The following EXOC6B variants were observed in gnomAD, a reference collection of about 807,000 sequenced individuals.
EXOC6B encodes the protein SEC15 homolog B.
In EXOC6B, 54 loss-of-function variants were observed where a neutral mutation model predicts 113.5. The ratio of observed to expected loss-of-function variants is 0.48; its 90% CI spans 0.38 to 0.60. The LOEUF (loss-of-function observed/expected upper bound fraction) is 0.60, where lower values mean the gene tolerates loss of function less well. Ranked by LOEUF, EXOC6B falls within the 20% of genes least tolerant of loss-of-function variation. The pLI, the probability that EXOC6B is intolerant of heterozygous loss-of-function variation, is 0.00. For missense variants in EXOC6B, 797 were observed against 977.5 expected, an observed-to-expected ratio of 0.82 and a Z score of 2.46; for synonymous variants, 357 against 339.0, an observed-to-expected ratio of 1.05 and a Z score of -0.58.
chr2:72,810,621 T>A (rs1182785725), intron 1 of EXOC6B, among the ~76,000 whole-genome samples: 1 of 151,756 alleles, frequency 6.6e-6, no homozygotes, highest in East Asian at 1.9e-4. Context: ...AGGACAGACA[T>A]CAATAAAATT....
chr2:72,727,366 CA>C (rs1168843734), intron 5 of EXOC6B, among the ~76,000 whole-genome samples: 2 of 152,060 alleles, frequency 1.3e-5, no homozygotes, highest in African/African-American at 4.8e-5. Flanking sequence ...GATCATTCTA[CA>C]GAATAACTGG....
intron 6 of EXOC6B, among the ~76,000 whole-genome samples, chr2:72,640,860 C>A (rs780449916): frequency 1.3e-5 from 2 of 151,976 alleles, no homozygotes; most frequent in Non-Finnish European, 2.9e-5. Context: ...CAACAAAGAT[C>A]AAAAAAGACA....
At chr2:72,706,804 C>T (rs1440165689) in intron 6 of EXOC6B, among the ~76,000 whole-genome samples, 2 of 152,128 alleles carry the variant, frequency 1.3e-5, no homozygotes, top group African/African-American at 4.8e-5. Context: ...TGACCCCTTC[C>T]CTTGAGTATA....
intron 1 of EXOC6B, among the ~76,000 whole-genome samples, chr2:72,776,970 G>A (rs1271182840): frequency 6.6e-6 from 1 of 152,180 alleles, no homozygotes; most frequent in Non-Finnish European, 1.5e-5. Flanking sequence ...GCCGGGAGCA[G>A]TGGATCCTGT....
At chr2:72,674,557 C>T (rs763337759) in intron 6 of EXOC6B, among the ~76,000 whole-genome samples, 86 of 152,240 alleles carry the variant, frequency 5.6e-4, no homozygotes, top group Non-Finnish European at 1.1e-3. Context: ...GCAGGCCGGG[C>T]GCGGTGGCTC....
At chr2:72,803,123 A>G (rs1289883087) in intron 1 of EXOC6B, among the ~76,000 whole-genome samples, 1 of 152,208 alleles carries the variant, frequency 6.6e-6, no homozygotes, top group African/African-American at 2.4e-5. Context: ...TAAAGACCCC[A>G]AGCATATTCA....
chr2:72,643,143 G>C (rs2104355683), intron 6 of EXOC6B, among the ~76,000 whole-genome samples: 1 of 151,882 alleles, frequency 6.6e-6, no homozygotes, highest in East Asian at 1.9e-4. Flanking sequence ...GGAGAAATAG[G>C]AACACTTTTA....
chr2:72,406,877 GAC>G (rs1693809521), intron 18 of EXOC6B, among the ~76,000 whole-genome samples: 1 of 152,068 alleles, frequency 6.6e-6, no homozygotes, highest in African/African-American at 2.4e-5. Context: ...AGGAATCAGA[GAC>G]ACAAAAAAAC....
At chr2:72,435,708 C>T (rs904802110) in intron 18 of EXOC6B, among the ~76,000 whole-genome samples, 2 of 149,496 alleles carry the variant, frequency 1.3e-5, no homozygotes, top group Non-Finnish European at 3.0e-5. Flanking sequence ...AGGATTGCAT[C>T]CCCTGCTTTT....
At chr2:72,818,554 C>G (rs1298840775) in intron 1 of EXOC6B, among the ~76,000 whole-genome samples, 1 of 152,080 alleles carries the variant, frequency 6.6e-6, no homozygotes, top group Non-Finnish European at 1.5e-5. Flanking sequence ...CTTGGCCTCC[C>G]AAAGTGCAGA....
intron 1 of EXOC6B, among the ~76,000 whole-genome samples, chr2:72,785,963 C>T (rs1446170790): frequency 6.6e-6 from 1 of 152,206 alleles, no homozygotes; most frequent in African/African-American, 2.4e-5. Context: ...GTGGCTCACA[C>T]CTGTAATCCC....
chr2:72,532,646 A>G (rs1482556955), intron 8 of EXOC6B, among the ~76,000 whole-genome samples: 1 of 152,040 alleles, frequency 6.6e-6, no homozygotes, highest in Non-Finnish European at 1.5e-5. Context: ...CGTCTCTACT[A>G]AAAATACAAA....
chr2:72,296,884 C>G (rs930242743), intron 20 of EXOC6B, among the ~76,000 whole-genome samples: 1 of 152,148 alleles, frequency 6.6e-6, no homozygotes, highest in African/African-American at 2.4e-5. Context: ...CGGTGCTATT[C>G]TGCAGAGGCT....
intron 8 of EXOC6B, among the ~76,000 whole-genome samples, chr2:72,540,620 T>A (rs887484034): frequency 6.6e-6 from 1 of 152,204 alleles, no homozygotes; most frequent in Non-Finnish European, 1.5e-5. Flanking sequence ...TTCAATTTTG[T>A]CAATGGACCC....
intron 7 of EXOC6B, among the ~76,000 whole-genome samples, chr2:72,573,350 G>A (rs997234620): frequency 1.3e-5 from 2 of 152,186 alleles, no homozygotes; most frequent in African/African-American, 4.8e-5. Context: ...AAAGGAGTTA[G>A]TTGGTCCTTC....
chr2:72,672,940 G>A (rs1208987395), intron 6 of EXOC6B, among the ~76,000 whole-genome samples: 1 of 151,950 alleles, frequency 6.6e-6, no homozygotes, highest in African/African-American at 2.4e-5. Context: ...GAGAATAACT[G>A]GAATGTTCCT....
chr2:72,231,122 C>A (rs1681594865), intron 20 of EXOC6B, among the ~76,000 whole-genome samples: 2 of 152,144 alleles, frequency 1.3e-5, no homozygotes, highest in South Asian at 4.1e-4. Flanking sequence ...ATTTCCCCAA[C>A]TTTCCCAACT....
At chr2:72,468,847 A>C (rs10191381) in intron 17 of EXOC6B, among the ~76,000 whole-genome samples, 1 of 152,096 alleles carries the variant, frequency 6.6e-6, no homozygotes, top group East Asian at 1.9e-4. Context: ...AAATATTTCA[A>C]TGAGCACTTC....
chr2:72,445,208 G>C (rs960275240), intron 18 of EXOC6B, among the ~76,000 whole-genome samples: 4 of 152,170 alleles, frequency 2.6e-5, no homozygotes, highest in African/African-American at 9.7e-5. Context: ...TAACAAGAGT[G>C]ACCATTGCTC....
Sources: allele counts gnomAD v4.1 joint callset (sites outside exome capture counted in the v4.1 genomes callset), GRCh38; gene constraint gnomAD v4.1.1; transcripts MANE v1.5; gene names NCBI Gene and HGNC (gene_info 2026-07-23, HGNC 2026-07-21).